Variants in DISC1 observed in about 807,000 individuals in gnomAD.
DISC1 encodes disrupted in schizophrenia 1 protein.
Under a neutral mutation model 84.5 loss-of-function variants are expected in DISC1, and 57 were observed. That is an observed-to-expected ratio of 0.67 (90% CI 0.55 to 0.84). The LOEUF is 0.84. Among genes scored for constraint, DISC1 ranks in the 40% least tolerant of loss-of-function variants. The pLI is 0.00. For synonymous variants in DISC1, 411 were observed against 415.2 expected (o/e 0.99, Z 0.12); for missense variants, 1,000 against 1,057.8 (o/e 0.95, Z 0.76).
intron 9 of DISC1, among the ~76,000 whole-genome samples, chr1:231,900,156 ATAGTT>A (rs1346170782): frequency 6.6e-6 from 1 of 152,194 alleles, no homozygotes; most frequent in Non-Finnish European, 1.5e-5. Context: ...AGCAGGGACT[ATAGTT>A]TAATCTTTTT....
At position 231,885,959 on chromosome 1, in the gene DISC1, G is replaced by A. The variant is rs114067697; in HGVS notation, c.1981+67442G>A. The stretch of plus-strand genomic sequence containing the variant: ...CAGAAACATATTTCCTCATCATTCT[G>A]GAGACTGGGAAGTTCAAGATCAAGG... On this transcript the variant is annotated intron_variant, in intron 9 of 12. Coordinates refer to ENST00000439617, the MANE Select transcript of DISC1 (RefSeq NM_018662.3). Among the ~76,000 whole-genome samples the A allele has an allele frequency of 5.6e-3, 855 of 152,272 alleles. 12 individuals carry two copies. Among genetic ancestry groups the A allele is most frequent in the African/African-American group, 0.019 (799 of 41,544 alleles).
intron 8 of DISC1, among the ~76,000 whole-genome samples, chr1:231,809,401 A>AT (rs11393649): frequency 0.26 from 38,115 of 148,546 alleles, 4,902 homozygotes; most frequent in East Asian, 0.42. Flanking sequence ...GTTTGGATAT[A>AT]TTTTTTTTTT....
At chr1:231,782,367 T>A (rs187064184) in intron 6 of DISC1, among the ~76,000 whole-genome samples, 84 of 152,292 alleles carry the variant, frequency 5.5e-4, no homozygotes, top group African/African-American at 1.8e-3. Flanking sequence ...AAATCGACAA[T>A]ATTCCCCAGT....
chr1:231,976,044 A>T (rs1019341360), intron 10 of DISC1, among the ~76,000 whole-genome samples: 1 of 152,180 alleles, frequency 6.6e-6, no homozygotes, highest in African/African-American at 2.4e-5. Flanking sequence ...GGCTCACTGC[A>T]CTTTCTTCCT....
intron 3 of DISC1, chr1:231,723,765 T>G (rs1052918601): frequency 1.7e-5 from 17 of 985,428 alleles, no homozygotes; most frequent in Middle Eastern, 5.2e-4. Context: ...ACTGTTGGGG[T>G]GAGGAAAGGC....
chr1:231,700,626 C>T (rs779413925), intron 2 of DISC1, among the ~76,000 whole-genome samples: 11 of 152,218 alleles, frequency 7.2e-5, no homozygotes, highest in Middle Eastern at 3.4e-3. Context: ...CCATAATCCC[C>T]GTTGTTCAAG....
intron 1 of DISC1, among the ~76,000 whole-genome samples, chr1:231,665,520 C>A (rs979279820): frequency 6.6e-6 from 1 of 152,146 alleles, no homozygotes; most frequent in African/African-American, 2.4e-5. Flanking sequence ...TGTAAGCAGA[C>A]AATGTAAACT....
At chr1:231,916,469 G>A (rs1967763) in intron 9 of DISC1, among the ~76,000 whole-genome samples, 42,941 of 151,112 alleles carry the variant, frequency 0.28, 8,247 homozygotes, top group East Asian at 0.7. Context: ...CCCGGCTAAA[G>A]CGGTGAAACC....
At chr1:231,873,420 C>T (rs1383255896) in intron 9 of DISC1, among the ~76,000 whole-genome samples, 1 of 152,200 alleles carries the variant, frequency 6.6e-6, no homozygotes, top group African/African-American at 2.4e-5. Context: ...TCTATGATGT[C>T]CTTTGACTAG....
chr1:231,972,854 G>T (rs1662201324), intron 10 of DISC1, among the ~76,000 whole-genome samples: 1 of 152,176 alleles, frequency 6.6e-6, no homozygotes, highest in Admixed American at 6.5e-5. Context: ...TTAGGAAAAA[G>T]CAAATAAGCT....
At position 231,847,301 on chromosome 1, in the gene DISC1, C is replaced by T. The variant is rs116510702; in HGVS notation, c.1981+28784C>T. Among the ~76,000 whole-genome samples the T allele has an allele frequency of 2.6e-3, 395 of 152,192 alleles. 3 individuals are homozygous for T. The highest frequency in any genetic ancestry group is 8.5e-3 in the African/African-American group (355 of 41,542). On this transcript the variant is annotated intron_variant, in intron 9 of 12. Coordinates refer to ENST00000439617, the MANE Select transcript of DISC1 (RefSeq NM_018662.3). Reference sequence around the variant, plus strand: ...ACTGGTTTAGGGCTCAACCTCTTGACCTCGTTTCAATGTTATCACCTCTCT... The same window carrying T: ...ACTGGTTTAGGGCTCAACCTCTTGATCTCGTTTCAATGTTATCACCTCTCT...
At chr1:231,808,114 C>T (rs1342903791) in intron 8 of DISC1, among the ~76,000 whole-genome samples, 1 of 152,196 alleles carries the variant, frequency 6.6e-6, no homozygotes, top group Non-Finnish European at 1.5e-5. Context: ...ACTCAGACTG[C>T]ATGTTAGGAT....
At chr1:231,811,874 G>T (rs1420988936) in intron 8 of DISC1, among the ~76,000 whole-genome samples, 1 of 152,204 alleles carries the variant, frequency 6.6e-6, no homozygotes, top group African/African-American at 2.4e-5. Context: ...TCTGGGTCTA[G>T]ATTTTTTAAC....
rs532450144 is a variant in DISC1 at position 231,886,247 on chromosome 1, T to A, written c.1981+67730T>A. Among the ~76,000 whole-genome samples, 3 of 152,304 alleles carry A rather than the reference T, an allele frequency of 2.0e-5. No individual in the cohort carries two copies. The East Asian group carries it at 5.8e-4, about 29-fold the overall frequency. On this transcript the variant is annotated intron_variant, in intron 9 of 12. Transcript: ENST00000439617. Reference sequence around the variant, plus strand: ...TGGGGACACATTGAAACCATAGCACTCCCCTATAGCAATGAGTAATATCCG... The same window carrying A: ...TGGGGACACATTGAAACCATAGCACACCCCTATAGCAATGAGTAATATCCG...
At chr1:231,964,393 G>C (rs190101201) in intron 10 of DISC1, among the ~76,000 whole-genome samples, 107 of 152,276 alleles carry the variant, frequency 7.0e-4, no homozygotes, top group African/African-American at 2.5e-3. Context: ...CTAGGATCCT[G>C]CCACAGTCTC....
At chr1:231,805,700 C>T (rs1166881750) in intron 8 of DISC1, among the ~76,000 whole-genome samples, 1 of 151,996 alleles carries the variant, frequency 6.6e-6, no homozygotes, top group African/African-American at 2.4e-5. Flanking sequence ...TGAGAAACTG[C>T]CCCTATGATC....
chr1:232,012,369 A>G (rs1170855773), intron 11 of DISC1, among the ~76,000 whole-genome samples: 8 of 152,180 alleles, frequency 5.3e-5, no homozygotes, highest in Non-Finnish European at 1.2e-4. Flanking sequence ...CGGGTCCAGG[A>G]TTTTAGACTA....
rs571165360 is a variant in DISC1, at chr1:231,628,094, G to A, written c.67+1160G>A. 1.2e-4 allele frequency among the ~76,000 whole-genome samples: 19 copies of A among 152,288 alleles called. 1 individual carries two copies. In the South Asian group the frequency reaches 3.7e-3, roughly 30 times the overall value. On this transcript the variant is annotated intron_variant, in intron 1 of 12. Transcript: ENST00000439617. The stretch of plus-strand genomic sequence containing the variant: ...TTTCCTAGGCAAAATCTAAATAATT[G>A]GGAGTAATGTGAGAATACCAGTTTG...
chr1:231,886,351 T>G lies in DISC1; in HGVS notation c.1981+67834T>G, dbSNP rs202077036. Among the ~76,000 whole-genome samples the G allele has an allele frequency of 1.4e-3, 209 of 152,328 alleles. 1 individual carries two copies. Among genetic ancestry groups the G allele is most frequent in the Non-Finnish European group, 4.3e-4 (29 of 68,026 alleles). The stretch of plus-strand genomic sequence containing the variant: ...GCTAGTGGTAAATCTTCAAAACTCT[T>G]GGGTAGTTTCTGTGGATATAAATTC... On this transcript the variant is annotated intron_variant, in intron 9 of 12. Coordinates refer to ENST00000439617, the MANE Select transcript of DISC1 (RefSeq NM_018662.3).
Sources: allele counts gnomAD v4.1 joint callset (sites outside exome capture counted in the v4.1 genomes callset), GRCh38; gene constraint gnomAD v4.1.1; transcripts MANE v1.5; gene names NCBI Gene and HGNC (gene_info 2026-07-23, HGNC 2026-07-21).